CSMD1: variants seen among roughly 807,000 people sequenced by gnomAD.
CSMD1 encodes the protein CUB and sushi domain-containing protein 1.
A neutral mutation model predicts 417.5 loss-of-function variants in CSMD1; 213 were observed. The ratio of observed to expected loss-of-function variants is 0.51; its 90% CI spans 0.46 to 0.57. The LOEUF (loss-of-function observed/expected upper bound fraction) is 0.57, where lower values mean the gene tolerates loss of function less well. CSMD1 is among the 20% of genes least tolerant of loss of function. CSMD1 has a pLI of 0.00. For synonymous variants in CSMD1, 2,862 were observed against 1,736.8 expected (o/e 1.65, Z -16.11); for missense variants, 6,923 against 4,529.7 (o/e 1.53, Z -15.17).
intron 3 of CSMD1, among the ~76,000 whole-genome samples, chr8:4,201,966 A>C (rs545496892): frequency 4.1e-4 from 63 of 152,260 alleles, no homozygotes; most frequent in African/African-American, 1.4e-3. Flanking sequence ...TGAGACAGAA[A>C]ACAAAAATGA....
intron 3 of CSMD1, among the ~76,000 whole-genome samples, chr8:4,240,895 T>C (rs1262343240): frequency 6.6e-6 from 1 of 152,242 alleles, no homozygotes; most frequent in Non-Finnish European, 1.5e-5. Flanking sequence ...AGGCGCATGT[T>C]ACTGTAAAGA....
intron 5 of CSMD1, among the ~76,000 whole-genome samples, chr8:3,885,606 GA>G (rs1410261456): frequency 6.6e-6 from 1 of 152,168 alleles, no homozygotes; most frequent in Non-Finnish European, 1.5e-5. Flanking sequence ...AATCGGCTAT[GA>G]TGAGCGTCTG....
intron 9 of CSMD1, among the ~76,000 whole-genome samples, chr8:3,583,764 G>T (rs1194430095): frequency 6.6e-6 from 1 of 152,094 alleles, no homozygotes; most frequent in African/African-American, 2.4e-5. Context: ...GGCAGAGCGT[G>T]TGGCTGCGCA....
At chr8:3,558,162 A>ACAGCACCCCG in intron 10 of CSMD1, among the ~76,000 whole-genome samples, 2 of 139,098 alleles carry the variant, frequency 1.4e-5, no homozygotes, top group Non-Finnish European at 3.2e-5. Flanking sequence ...TGGTGCCTCA[A>ACAGCACCCCG]TAGCACCCCG....
intron 1 of CSMD1, among the ~76,000 whole-genome samples, chr8:4,904,284 A>G (rs1472166507): frequency 6.6e-6 from 1 of 152,234 alleles, no homozygotes; most frequent in Non-Finnish European, 1.5e-5. Flanking sequence ...GAACAATGAA[A>G]GTACAGTAAA....
chr8:3,296,801 C>A (rs150820278), intron 25 of CSMD1, among the ~76,000 whole-genome samples: 1 of 152,054 alleles, frequency 6.6e-6, no homozygotes, highest in Non-Finnish European at 1.5e-5. Flanking sequence ...AACTGAGAAA[C>A]GGTGCAGTAT....
At chr8:4,041,090 C>G (rs1407504800) in intron 3 of CSMD1, among the ~76,000 whole-genome samples, 1 of 144,050 alleles carries the variant, frequency 6.9e-6, no homozygotes, top group African/African-American at 2.6e-5. Context: ...GATCTCGGCT[C>G]ACTGCAAGCT....
intron 5 of CSMD1, among the ~76,000 whole-genome samples, chr8:3,789,442 G>T (rs1376165731): frequency 2.6e-5 from 3 of 115,622 alleles, no homozygotes; most frequent in East Asian, 2.4e-4. Context: ...TTTTTTAAGT[G>T]TTTTTTTTTT....
intron 3 of CSMD1, among the ~76,000 whole-genome samples, chr8:4,094,763 G>T (rs944302229): frequency 2.0e-5 from 3 of 152,164 alleles, no homozygotes; most frequent in Admixed American, 1.3e-4. Flanking sequence ...GAGGTGAGAT[G>T]CTGAGCTAAC....
chr8:4,641,180 T>C (rs1803167108), intron 1 of CSMD1, among the ~76,000 whole-genome samples: 1 of 151,794 alleles, frequency 6.6e-6, no homozygotes, highest in Non-Finnish European at 1.5e-5. Context: ...CATGCAACAT[T>C]GTGCATACAG....
chr8:4,110,093 C>A (rs545379823), intron 3 of CSMD1, among the ~76,000 whole-genome samples: 1 of 152,188 alleles, frequency 6.6e-6, no homozygotes, highest in African/African-American at 2.4e-5. Context: ...AAGCTTTCCT[C>A]CAGCATGGAA....
intron 2 of CSMD1, among the ~76,000 whole-genome samples, chr8:4,548,109 T>C (rs1246774534): frequency 6.6e-6 from 1 of 152,130 alleles, no homozygotes; most frequent in Non-Finnish European, 1.5e-5. Flanking sequence ...TCTCATAGTT[T>C]ATTTGCTTTG....
chr8:3,618,844 A>C (rs1802275849), intron 7 of CSMD1, among the ~76,000 whole-genome samples: 1 of 152,180 alleles, frequency 6.6e-6, no homozygotes, highest in African/African-American at 2.4e-5. Context: ...GTTGAGAGGA[A>C]GCGGCCCAGT....
In CSMD1 at chr8:3,664,598, G is replaced by A. The variant is rs561354339; in HGVS notation, c.1009+43816C>T. Among the ~76,000 whole-genome samples the A allele has an allele frequency of 7.2e-5, 11 of 152,290 alleles. No homozygotes were observed. In the South Asian group the frequency reaches 2.3e-3, roughly 32 times the overall value. ...AGACTGAGGAGTTTTCCTCTGCCTT[G>A]TATTATTCTGTCTGTCTCCCCACCA... On this transcript the variant is annotated intron_variant, in intron 7 of 69. Transcript: ENST00000635120.
chr8:4,392,187 C>G (rs1288108473), intron 3 of CSMD1, among the ~76,000 whole-genome samples: 1 of 152,146 alleles, frequency 6.6e-6, no homozygotes, highest in Non-Finnish European at 1.5e-5. Flanking sequence ...CGTGCTAAGT[C>G]TTGAGGTTGC....
chr8:3,655,182 G>T lies in CSMD1; in HGVS notation c.1010-38385C>A, dbSNP rs142435596. 1.8e-3 allele frequency among the ~76,000 whole-genome samples: 280 copies of T among 152,262 alleles called. 2 individuals carry two copies. The highest frequency in any genetic ancestry group is 6.5e-3 in the African/African-American group (270 of 41,552). On this transcript the variant is annotated intron_variant, in intron 7 of 69. Transcript: ENST00000635120. ...TTGACTTTGTTCCACAGGGAACACA[G>T]ATTATTTTTTGGTCAAAACCAACTT...
At chr8:4,229,502 C>T (rs1355976424) in intron 3 of CSMD1, among the ~76,000 whole-genome samples, 1 of 152,194 alleles carries the variant, frequency 6.6e-6, no homozygotes, top group Non-Finnish European at 1.5e-5. Flanking sequence ...ATTTTGTCTT[C>T]ATATAATTCT....
intron 5 of CSMD1, among the ~76,000 whole-genome samples, chr8:3,870,059 C>G (rs1359905806): frequency 6.6e-6 from 1 of 152,130 alleles, no homozygotes. Flanking sequence ...TAACTGTAAG[C>G]ATACCCTCTG....
chr8:4,279,572 G>A (rs1229346466), intron 3 of CSMD1, among the ~76,000 whole-genome samples: 1 of 152,152 alleles, frequency 6.6e-6, no homozygotes, highest in Non-Finnish European at 1.5e-5. Context: ...TGATTCTGCA[G>A]ACACGGTTTT....
Sources: gnomAD v4.1 joint callset for allele counts (sites outside exome capture counted in the v4.1 genomes callset) on GRCh38, gnomAD v4.1.1 for gene constraint, MANE v1.5 for transcripts, NCBI Gene and HGNC (gene_info 2026-07-23, HGNC 2026-07-21) for gene names.